The following CMYA5 variants were observed in gnomAD, a reference collection of about 807,000 sequenced individuals.
The protein encoded by CMYA5 is cardiomyopathy-associated protein 5.
CMYA5 carries 246 observed loss-of-function variants against 318.9 expected under a neutral mutation model. The observed-to-expected ratio is 0.77, with a 90% confidence interval of 0.70 to 0.86. The LOEUF is 0.86. CMYA5 is among the 40% of genes least tolerant of loss of function. CMYA5 has a pLI of 0.00. For missense variants in CMYA5, 4,589 were observed against 4,678.2 expected (o/e 0.98, Z 0.56); for synonymous variants, 1,641 against 1,729.5 (o/e 0.95, Z 1.27).
At chr5:79,777,630 C>T (rs377626247) in intron 9 of CMYA5, among the ~76,000 whole-genome samples, 138 of 151,900 alleles carry the variant, frequency 9.1e-4, no homozygotes, top group African/African-American at 3.2e-3. Context: ...CAAAAATTAG[C>T]TGGGCGTGGT....
At chr5:79,716,818 G>A (rs1458662968) in intron 1 of CMYA5, among the ~76,000 whole-genome samples, 1 of 152,142 alleles carries the variant, frequency 6.6e-6, no homozygotes, top group Non-Finnish European at 1.5e-5. Context: ...AGCAACATCC[G>A]TATACATCCT....
rs545858200 is a variant in CMYA5, at chr5:79,708,916, T to C, written c.149+18860T>C. 8.5e-5 allele frequency among the ~76,000 whole-genome samples: 13 copies of C among 152,302 alleles called. No individual in the cohort carries two copies. The South Asian group carries it at 2.7e-3, about 32-fold the overall frequency. Reference sequence around the variant, plus strand: ...GCCACCATACTCCACTCTGTCACTCTGGGTGACAGAGCAAGACCCTGTCTC... The same window carrying C: ...GCCACCATACTCCACTCTGTCACTCCGGGTGACAGAGCAAGACCCTGTCTC... On this transcript the variant is annotated intron_variant, in intron 1 of 12. Transcript: ENST00000446378.
intron 1 of CMYA5, among the ~76,000 whole-genome samples, chr5:79,700,483 G>A (rs1461152746): frequency 6.6e-6 from 1 of 152,076 alleles, no homozygotes; most frequent in Non-Finnish European, 1.5e-5. Context: ...CCTTAAAACT[G>A]GTCTGATGAA....
chr5:79,720,664 G>T (rs1235563771), intron 1 of CMYA5, among the ~76,000 whole-genome samples: 1 of 152,058 alleles, frequency 6.6e-6, no homozygotes, highest in Non-Finnish European at 1.5e-5. Flanking sequence ...TTGAACTCCT[G>T]ACCTCAAGTG....
In CMYA5 at chr5:79,729,038, A is replaced by G; in HGVS notation, c.273A>G (p.Arg91=). The G allele has an allele frequency of 6.2e-7, 1 of 1,613,980 alleles. No homozygotes were observed. The highest frequency in any genetic ancestry group is 8.5e-7 in the Non-Finnish European group (1 of 1,179,862). The change falls in exon 2 of 13, where the codon AGA becomes AGG. Residue 91 remains arginine (R), a synonymous_variant. Transcript: ENST00000446378. The part of the protein sequence containing the change: ...SGITWETNSS[R]SSTPWASEES... ...TAACCTGGGAAACCAATTCAAGTAGATCTTCTACTCCTTGGGCTTCAGAAG... is the reference window on the plus strand; with the variant it reads ...TAACCTGGGAAACCAATTCAAGTAGGTCTTCTACTCCTTGGGCTTCAGAAG...
intron 7 of CMYA5, among the ~76,000 whole-genome samples, 180 bp downstream of exon 7, chr5:79,759,082 A>C (rs1828595692): frequency 6.6e-6 from 1 of 152,266 alleles, no homozygotes; most frequent in African/African-American, 2.4e-5. Context: ...AAATTTGGGA[A>C]TCAAGATCAG....
In CMYA5 at chr5:79,732,301, C is replaced by A. The variant is rs1263400735; in HGVS notation, c.3536C>A (p.Ala1179Glu). Residue 1179 changes from alanine to glutamate, a missense_variant, in exon 2 of 13, where the codon GCA becomes GAA. Ala to Glu is a moderately radical substitution (Grantham distance 107, BLOSUM62 -1). This residue lies in a region of CMYA5 where 2,132 missense variants were observed against 2,131.3 expected (regional missense o/e 1.00). Transcript: ENST00000446378. ...TCAGTTTTACCTGATTCAGTCCCTG[C>A]AATCAAGAAAGAACAGGAACCCACA... is the stretch of plus-strand genomic sequence containing the variant. ...PHSVLPDSVP[A>E]IKKEQEPTAA... 1 of 1,613,670 alleles carries A rather than the reference C, an allele frequency of 6.2e-7. No individual in the cohort carries two copies. Among genetic ancestry groups the A allele is most frequent in the East Asian group, 2.2e-5 (1 of 44,866 alleles).
intron 1 of CMYA5, among the ~76,000 whole-genome samples, chr5:79,693,336 A>ATTT (rs11319092): frequency 9.6e-5 from 13 of 135,634 alleles, no homozygotes; most frequent in East Asian, 2.2e-4. Context: ...AAGTCACACA[A>ATTT]TTTTTTTTTT....
At chr5:79,719,110 A>G (rs964505801) in intron 1 of CMYA5, among the ~76,000 whole-genome samples, 1 of 152,176 alleles carries the variant, frequency 6.6e-6, no homozygotes, top group African/African-American at 2.4e-5. Context: ...GGGTTTTTTT[A>G]AGGAAAGAAT....
chr5:79,750,502 C>T (rs1828409895), intron 5 of CMYA5, among the ~76,000 whole-genome samples: 1 of 137,048 alleles, frequency 7.3e-6, no homozygotes, highest in African/African-American at 2.6e-5. Flanking sequence ...GTGCCCTAAA[C>T]CCCATCTTGC....
At chr5:79,704,034 T>C (rs1827220785) in intron 1 of CMYA5, among the ~76,000 whole-genome samples, 1 of 152,100 alleles carries the variant, frequency 6.6e-6, no homozygotes, top group Non-Finnish European at 1.5e-5. Flanking sequence ...AAGGCTGCCA[T>C]GAGCTGCGAT....
rs780936441 is a variant in CMYA5 at position 79,763,125 on chromosome 5, G to A, written c.11471G>A (p.Arg3824Gln). 7.4e-6 allele frequency: 12 copies of A among 1,613,570 alleles called. No individual in the cohort carries two copies. Among genetic ancestry groups the A allele is most frequent in the Admixed American group, 1.7e-5 (1 of 59,976 alleles). The change falls in exon 9 of 13, where the codon CGA becomes CAA. Residue 3824 changes from arginine (R) to glutamine (Q), a missense_variant. Arg to Gln is a conservative substitution (Grantham distance 43). This residue lies in a region of CMYA5 where 2,431 missense variants were observed against 2,495.1 expected (regional missense o/e 0.97). Transcript: ENST00000446378. ...CTVCWNTATI[R>Q]WRPTTPEATE... ...GTGTGTTGGAACACAGCCACTATCCGATGGCGGCCCACCACCCCAGAGGCC... is the reference window on the plus strand; with the variant it reads ...GTGTGTTGGAACACAGCCACTATCCAATGGCGGCCCACCACCCCAGAGGCC...
intron 12 of CMYA5, among the ~76,000 whole-genome samples, chr5:79,794,981 G>T (rs1829249600): frequency 6.6e-6 from 1 of 152,126 alleles, no homozygotes; most frequent in Admixed American, 6.5e-5. Flanking sequence ...ACAGTTAGTA[G>T]ATTCAGAGCT....
At chr5:79,740,604 G>T (rs1484978688) in intron 2 of CMYA5, among the ~76,000 whole-genome samples, 1 of 151,724 alleles carries the variant, frequency 6.6e-6, no homozygotes, top group Admixed American at 6.6e-5. Flanking sequence ...CATTCTTTCT[G>T]GCTATGTCTG....
At chr5:79,748,533 CT>C (rs1209135688) in intron 5 of CMYA5, among the ~76,000 whole-genome samples, 2 of 148,128 alleles carry the variant, frequency 1.4e-5, no homozygotes, top group African/African-American at 5.3e-5. Context: ...ATCTATCTAT[CT>C]ATCTATCTAT....
chr5:79,754,829 A>G (rs939291328), intron 6 of CMYA5, among the ~76,000 whole-genome samples: 28 of 152,116 alleles, frequency 1.8e-4, no homozygotes, highest in Non-Finnish European at 7.4e-5. Context: ...CTAACTCTCC[A>G]TATTCTCCCC....
At chr5:79,751,813 G>C (rs1828434999) in intron 5 of CMYA5, among the ~76,000 whole-genome samples, 1 of 152,188 alleles carries the variant, frequency 6.6e-6, no homozygotes, top group Non-Finnish European at 1.5e-5. Context: ...GTGAAGAATG[G>C]AGGGGGCAGG....
intron 11 of CMYA5, among the ~76,000 whole-genome samples, chr5:79,793,010 T>C (rs1829205828): frequency 6.6e-6 from 1 of 152,252 alleles, no homozygotes; most frequent in African/African-American, 2.4e-5. Context: ...AACTCATGGT[T>C]AAAGTTTTGG....
chr5:79,763,894 T>G (rs533961650), intron 9 of CMYA5, among the ~76,000 whole-genome samples: 33 of 152,202 alleles, frequency 2.2e-4, no homozygotes, highest in African/African-American at 4.8e-5. Context: ...TTCTTAATAC[T>G]CATATTTTGA....
Sources: allele counts gnomAD v4.1 joint callset (sites outside exome capture counted in the v4.1 genomes callset), GRCh38; gene constraint gnomAD v4.1.1; regional missense constraint gnomAD v4.1.1; transcripts MANE v1.5; gene names NCBI Gene and HGNC (gene_info 2026-07-23, HGNC 2026-07-21).